The following CCDC13 variants were observed in gnomAD, a reference collection of about 807,000 sequenced individuals.
CCDC13 encodes the protein coiled-coil domain containing 13, also known as coiled-coil domain-containing protein 13.
CCDC13 carries 70 observed loss-of-function variants against 87.3 expected under a neutral mutation model. That is an observed-to-expected ratio of 0.80 (90% CI 0.66 to 0.98). The LOEUF is 0.98. CCDC13 is among the 50% of genes least tolerant of loss of function. The probability of loss-of-function intolerance (pLI) is 0.00; values close to 1 mark genes in which losing one functional copy is unlikely to be tolerated. For missense variants in CCDC13, 842 were observed against 892.0 expected, an observed-to-expected ratio of 0.94 and a Z score of 0.71; for synonymous variants, 317 against 360.3, an observed-to-expected ratio of 0.88 and a Z score of 1.36.
chr3:42,751,827 G>T, intron 5 of CCDC13, 109 bp downstream of exon 5: 1 of 914,870 alleles, frequency 1.1e-6, no homozygotes, highest in Non-Finnish European at 1.7e-6. Flanking sequence ...CAGCGGGGTT[G>T]GGGGTTGGGG....
At chr3:42,771,503 T>G (rs1045265958) in intron 1 of CCDC13, among the ~76,000 whole-genome samples, 1 of 152,152 alleles carries the variant, frequency 6.6e-6, no homozygotes, top group East Asian at 1.9e-4. Flanking sequence ...ACCTGTAATC[T>G]CAACACTCTA....
At chr3:42,741,608 G>T (rs894747596) in intron 8 of CCDC13, among the ~76,000 whole-genome samples, 3 of 152,116 alleles carry the variant, frequency 2.0e-5, no homozygotes, top group African/African-American at 7.2e-5. Flanking sequence ...ATGGTGGCAG[G>T]TGCCTGTAAT....
chr3:42,760,738 G>A (rs868137594), intron 1 of CCDC13, among the ~76,000 whole-genome samples: 1 of 151,600 alleles, frequency 6.6e-6, no homozygotes, highest in African/African-American at 2.4e-5. Context: ...CTGGGTGACA[G>A]AGCAAGACTC....
intron 14 of CCDC13, among the ~76,000 whole-genome samples, chr3:42,710,164 C>T (rs1698276407): frequency 6.8e-6 from 1 of 147,456 alleles, no homozygotes; most frequent in African/African-American, 2.5e-5. Context: ...GACTGGAGTG[C>T]AGTAGCGTGA....
intron 10 of CCDC13, 21 bp downstream of exon 10, chr3:42,735,686 C>A (rs565579778): frequency 1.2e-6 from 2 of 1,610,314 alleles, no homozygotes; most frequent in African/African-American, 1.3e-5. Flanking sequence ...TGGGTTTGGG[C>A]GCTGCCAGTG....
At chr3:42,753,609 C>T (rs1182993440) in intron 3 of CCDC13, among the ~76,000 whole-genome samples, 2 of 152,112 alleles carry the variant, frequency 1.3e-5, no homozygotes, top group Non-Finnish European at 2.9e-5. Context: ...AGGAAATACA[C>T]TGGAGCTGGG....
chr3:42,723,642 C>T (rs568090755), intron 13 of CCDC13, among the ~76,000 whole-genome samples: 2 of 152,132 alleles, frequency 1.3e-5, no homozygotes, highest in East Asian at 3.9e-4. Context: ...GATTCAACAT[C>T]GGAATTAGGT....
chr3:42,749,359 A>G (rs951458805), intron 5 of CCDC13, among the ~76,000 whole-genome samples: 1 of 152,232 alleles, frequency 6.6e-6, no homozygotes, highest in Non-Finnish European at 1.5e-5. Flanking sequence ...CAGAGCATGG[A>G]AAAAGCATAC....
At chr3:42,771,893 G>A (rs9837432) in intron 1 of CCDC13, among the ~76,000 whole-genome samples, 1,871 of 152,318 alleles carry the variant, frequency 0.012, 44 homozygotes, top group African/African-American at 0.042. Flanking sequence ...GTTAACAACA[G>A]AGGAAATGGG....
chr3:42,743,461 C>T (rs956676872), intron 7 of CCDC13, among the ~76,000 whole-genome samples: 8 of 146,696 alleles, frequency 5.5e-5, no homozygotes, highest in Non-Finnish European at 7.5e-5. Context: ...TCTGTTGCCC[C>T]GACTGGAGTG....
At chr3:42,771,288 T>C (rs368980176) in intron 1 of CCDC13, among the ~76,000 whole-genome samples, 1 of 152,238 alleles carries the variant, frequency 6.6e-6, no homozygotes, top group Non-Finnish European at 1.5e-5. Context: ...ATACCAGTGA[T>C]TGTAAATCCC....
At chr3:42,725,097 T>C (rs950162246) in intron 13 of CCDC13, among the ~76,000 whole-genome samples, 3 of 152,212 alleles carry the variant, frequency 2.0e-5, no homozygotes, top group Non-Finnish European at 4.4e-5. Flanking sequence ...CTTTTGGTCA[T>C]AGCAAAGCAG....
chr3:42,716,877 T>C (rs985328210), intron 13 of CCDC13, among the ~76,000 whole-genome samples: 1 of 152,224 alleles, frequency 6.6e-6, no homozygotes, highest in Non-Finnish European at 1.5e-5. Flanking sequence ...AGCAATGTTC[T>C]TGTAGCATTA....
intron 1 of CCDC13, among the ~76,000 whole-genome samples, chr3:42,764,974 C>A (rs1375295075): frequency 1.3e-5 from 2 of 152,216 alleles, no homozygotes; most frequent in Non-Finnish European, 2.9e-5. Context: ...AGGCCTTCAA[C>A]TGTCATTTGT....
intron 1 of CCDC13, among the ~76,000 whole-genome samples, chr3:42,769,120 A>G (rs1262205708): frequency 6.6e-6 from 1 of 152,206 alleles, no homozygotes; most frequent in Non-Finnish European, 1.5e-5. Context: ...TCTGGGCAAC[A>G]AGAGTGAAAC....
intron 8 of CCDC13, among the ~76,000 whole-genome samples, chr3:42,741,425 A>T (rs957506752): frequency 2.0e-5 from 3 of 151,592 alleles, no homozygotes; most frequent in Admixed American, 2.0e-4. Context: ...ACAGCTGACC[A>T]CCTCCCTCCA....
In CCDC13 at chr3:42,730,501, G is replaced by A. The variant is rs199605259; in HGVS notation, c.1684C>T (p.Arg562Trp). 14 of 1,613,960 alleles carry A rather than the reference G, an allele frequency of 8.7e-6. No homozygotes were observed. The highest frequency in any genetic ancestry group is 2.7e-5 in the African/African-American group (2 of 74,924). The change falls in exon 13 of 16, where the codon CGG becomes TGG. Residue 562 changes from arginine (R) to tryptophan (W), a missense_variant. Coordinates refer to ENST00000310232, the MANE Select transcript of CCDC13 (RefSeq NM_144719.4). Reference sequence around the variant, plus strand: ...AGGACAGTGACAAACTCGGTGAGCCGGTCACGCTCCACCTCGGCAGCCTGC... The same window carrying A: ...AGGACAGTGACAAACTCGGTGAGCCAGTCACGCTCCACCTCGGCAGCCTGC... ...LWQAAEVERD[R>W]LTEFVTVLQK...
At position 42,758,431 on chromosome 3, in the gene CCDC13, C is replaced by T. The variant is rs908611698; in HGVS notation, c.-6-80G>A. The T allele has an allele frequency of 8.6e-6, 12 of 1,401,764 alleles. No homozygotes were observed. In the African/African-American group the frequency reaches 1.4e-4, roughly 17 times the overall value. The allele number at this position is 1,401,764 out of a possible 1,614,324, so 86.8% of individuals were successfully genotyped here. The stretch of plus-strand genomic sequence containing the variant: ...CACACAGTCCGCCCTGTCTGCAGCC[C>T]CAGCCTTGGAGTTTACTGCTTCGCG... On this transcript the variant is annotated intron_variant, in intron 1 of 15. Transcript: ENST00000310232.
At chr3:42,764,175 T>C (rs1434905429) in intron 1 of CCDC13, among the ~76,000 whole-genome samples, 1 of 152,136 alleles carries the variant, frequency 6.6e-6, no homozygotes, top group Admixed American at 6.5e-5. Flanking sequence ...AGATTGTAAA[T>C]GTTTCTTATC....
Sources: allele counts gnomAD v4.1 joint callset (sites outside exome capture counted in the v4.1 genomes callset), GRCh38; gene constraint gnomAD v4.1.1; transcripts MANE v1.5; gene names NCBI Gene and HGNC (gene_info 2026-07-23, HGNC 2026-07-21).